Variants in CPNE5 observed in about 807,000 individuals in gnomAD.
CPNE5 encodes the protein copine 5, also known as copine-5.
CPNE5 carries 42 observed loss-of-function variants against 81.1 expected under a neutral mutation model. That is an observed-to-expected ratio of 0.52 (90% CI 0.40 to 0.67). The LOEUF (loss-of-function observed/expected upper bound fraction) is 0.67, where lower values mean the gene tolerates loss of function less well. Among genes scored for constraint, CPNE5 ranks in the 30% least tolerant of loss-of-function variants. The pLI, the probability that CPNE5 is intolerant of heterozygous loss-of-function variation, is 0.00. For missense variants in CPNE5, 612 were observed against 815.5 expected (o/e 0.75, Z 3.04); for synonymous variants, 313 against 321.5 (o/e 0.97, Z 0.28).
intron 6 of CPNE5, among the ~76,000 whole-genome samples, chr6:36,797,476 T>C (rs780009181): frequency 1.4e-4 from 22 of 152,068 alleles, no homozygotes; most frequent in Non-Finnish European, 2.5e-4. Context: ...TGTTCCCCAG[T>C]GTGGGGAAAG....
intron 2 of CPNE5, 45 bp from the exon 3 acceptor site, chr6:36,822,205 G>A: frequency 2.1e-6 from 3 of 1,427,072 alleles, no homozygotes. Context: ...CAGGCCAAGA[G>A]GAAGGAGGGG....
chr6:36,798,763 T>A (rs1401096998), intron 4 of CPNE5, among the ~76,000 whole-genome samples: 1 of 152,146 alleles, frequency 6.6e-6, no homozygotes, highest in Non-Finnish European at 1.5e-5. Flanking sequence ...CTTCACTGTA[T>A]ATATGTTATA....
At chr6:36,799,413 A>G (rs571954205) in intron 4 of CPNE5, among the ~76,000 whole-genome samples, 75 of 151,864 alleles carry the variant, frequency 4.9e-4, no homozygotes, top group Non-Finnish European at 9.9e-4. Context: ...ACCATCCCAT[A>G]CCCCATAAAA....
chr6:36,796,399 A>G (rs57926587), intron 6 of CPNE5, among the ~76,000 whole-genome samples: 2,662 of 152,296 alleles, frequency 0.017, 88 homozygotes, highest in African/African-American at 0.06. Flanking sequence ...AACAGACCCA[A>G]ATGACTAGTG....
chr6:36,763,036 C>T (rs117906616), intron 11 of CPNE5, 44 bp from the exon 12 acceptor site: 1 of 1,539,190 alleles, frequency 6.5e-7, no homozygotes, highest in East Asian at 2.2e-5. Flanking sequence ...AGGCTGTGCC[C>T]TGCCTCTGCC....
chr6:36,826,923 C>T (rs1772549390), intron 1 of CPNE5, among the ~76,000 whole-genome samples: 1 of 152,146 alleles, frequency 6.6e-6, no homozygotes. Flanking sequence ...TAGTTCAGGG[C>T]TGCTGTGGAG....
At position 36,746,474 on chromosome 6, in the gene CPNE5, G is replaced by A; in HGVS notation, c.1122C>T (p.Asp374=). 6.2e-7 allele frequency: 1 copy of A among 1,613,660 alleles called. No individual in the cohort carries two copies. Among genetic ancestry groups the A allele is most frequent in the Non-Finnish European group, 8.5e-7 (1 of 1,179,774 alleles). The part of the protein sequence containing the change: ...TAVGEIIQHY[D]SDKMFPALGF... ...CCAGGGCAGGGAACATCTTGTCACT[G>A]TCGTAGTGCTGGATGATCTCTCCGA... is the stretch of plus-strand genomic sequence containing the variant. Residue 374 remains aspartate, a synonymous_variant, in exon 16 of 21, where the codon GAC becomes GAT. Coordinates refer to ENST00000244751, the MANE Select transcript of CPNE5 (RefSeq NM_020939.2). This position sits in a 1 kb window ranked among gnomAD's most constrained non-coding sequence, Gnocchi z 4.5.
At position 36,762,936 on chromosome 6, in the gene CPNE5, C is replaced by T. The variant is rs1766195342; in HGVS notation, c.836G>A (p.Ser279Asn). The T allele has an allele frequency of 2.5e-6, 4 of 1,614,202 alleles. No individual in the cohort carries two copies. Among genetic ancestry groups the T allele is most frequent in the Non-Finnish European group, 2.5e-6 (3 of 1,180,020 alleles). The change falls in exon 12 of 21, where the codon AGC (serine) becomes AAC (asparagine). Residue 279 changes from serine to asparagine, a missense_variant. Ser to Asn is a conservative substitution (Grantham distance 46). Transcript: ENST00000244751. ...TSYRELARGQ[S>N]QFNIYEVVNP... ...CCTCACCTCATAGATGTTGAATTGG[C>T]TCTGCCCACGGGCCAGCTCCCGGTA...
intron 3 of CPNE5, among the ~76,000 whole-genome samples, 200 bp from the exon 4 acceptor site, chr6:36,800,270 A>G (rs764357501): frequency 3.3e-5 from 5 of 152,188 alleles, no homozygotes; most frequent in Non-Finnish European, 5.9e-5. Context: ...CATGTACAGT[A>G]TGGCTCCAAC....
At position 36,746,326 on chromosome 6, in the gene CPNE5, C is replaced by T. The variant is rs1239186038; in HGVS notation, c.1200+70G>A. 7 of 1,382,522 alleles carry T rather than the reference C, an allele frequency of 5.1e-6. No individual in the cohort carries two copies. The highest frequency in any genetic ancestry group is 4.0e-5 in the South Asian group (3 of 75,006). The allele number at this position is 1,382,522 out of a possible 1,614,324, so 85.6% of individuals were successfully genotyped here. A position where few individuals can be genotyped will look rare whatever the true frequency, so the allele number is the denominator to read the frequency against. ...CCGGGCTCAGAGGAAGGGAAACGTC[C>T]CCCCACCCCCAGCTTGTCACCTCAC... On this transcript the variant is annotated intron_variant, in intron 16 of 20. Coordinates refer to ENST00000244751, the MANE Select transcript of CPNE5 (RefSeq NM_020939.2). The surrounding 1 kb of genome is among the most constrained non-coding windows in gnomAD (Gnocchi z 4.5).
chr6:36,775,140 C>T, intron 9 of CPNE5, 75 bp from the exon 10 acceptor site: 1 of 1,068,352 alleles, frequency 9.4e-7, no homozygotes, highest in Admixed American at 1.8e-5. Flanking sequence ...ACAGAGGAGT[C>T]AGCTGGTTCA....
At chr6:36,793,266 G>T (rs1183856648) in intron 7 of CPNE5, among the ~76,000 whole-genome samples, 1 of 152,136 alleles carries the variant, frequency 6.6e-6, no homozygotes, top group African/African-American at 2.4e-5. Flanking sequence ...TGGAGGGCTG[G>T]CAGGACAGCC....
chr6:36,751,008 G>T (rs571987609), intron 14 of CPNE5, among the ~76,000 whole-genome samples: 2 of 152,342 alleles, frequency 1.3e-5, no homozygotes, highest in Admixed American at 1.3e-4. Flanking sequence ...TCTGACAGTG[G>T]GGCCAAAGTA....
At position 36,798,476 on chromosome 6, in the gene CPNE5, CTT is replaced by C; in HGVS notation, c.304_305del (p.Lys102GlufsTer3). On this transcript the variant is annotated frameshift_variant, in exon 5 of 21. Transcript: ENST00000244751. LOFTEE classifies it high-confidence loss of function. Reference sequence around the variant, plus strand: ...TCACGTGTTTGGATAAATCAGGACTCTTAGAGTCAACGTCGTATCTGCAGGGA... The same window carrying C: ...TCACGTGTTTGGATAAATCAGGACTCAGAGTCAACGTCGTATCTGCAGGGA... Reference protein sequence around the residue: ...LRFDLYDVDSKSPDLSKHDFL... With the variant: ...LRFDLYDVDSXSPDLSKHDFL... The C allele has an allele frequency of 6.2e-7, 1 of 1,614,160 alleles. No individual in the cohort carries two copies. The highest frequency in any genetic ancestry group is 8.5e-7 in the Non-Finnish European group (1 of 1,180,008).
intron 8 of CPNE5, among the ~76,000 whole-genome samples, chr6:36,785,289 A>G (rs987980376): frequency 3.9e-5 from 6 of 152,176 alleles, no homozygotes; most frequent in African/African-American, 1.4e-4. Context: ...TCTCAATGGC[A>G]GCTTCCAGAT....
intron 1 of CPNE5, chr6:36,838,675 G>C: frequency 2.7e-6 from 2 of 727,808 alleles, no homozygotes; most frequent in Non-Finnish European, 3.4e-6. Context: ...GCCACTTTAA[G>C]TTGTTATCAT....
chr6:36,773,298 A>C (rs1767208232), intron 10 of CPNE5, among the ~76,000 whole-genome samples: 1 of 152,186 alleles, frequency 6.6e-6, no homozygotes, highest in South Asian at 2.1e-4. Context: ...GAGCTGCAGC[A>C]ATCACCAGGA....
At chr6:36,789,978 T>C (rs1255462260) in intron 8 of CPNE5, among the ~76,000 whole-genome samples, 2 of 152,214 alleles carry the variant, frequency 1.3e-5, no homozygotes, top group African/African-American at 4.8e-5. Context: ...TGTGTTCGTG[T>C]GTCTTATTCT....
At chr6:36,839,518 G>A, upstream of CPNE5, 2 of 635,842 alleles carry the variant, frequency 3.1e-6, no homozygotes, top group South Asian at 2.5e-5. The surrounding 1 kb of genome is among the most constrained non-coding windows in gnomAD (Gnocchi z 7.3). Flanking sequence ...CGCGAAGAGG[G>A]GGCGTGGGAA....
Sources: allele counts gnomAD v4.1 joint callset (sites outside exome capture counted in the v4.1 genomes callset), GRCh38; gene constraint gnomAD v4.1.1; non-coding constraint Gnocchi (gnomAD v3.1); transcripts MANE v1.5; gene names NCBI Gene and HGNC (gene_info 2026-07-23, HGNC 2026-07-21).